SPATS2L: variants seen among roughly 807,000 people sequenced by gnomAD.
SPATS2L encodes SPATS2-like protein.
Under a neutral mutation model 59.6 loss-of-function variants are expected in SPATS2L, and 30 were observed. The ratio of observed to expected loss-of-function variants is 0.50; its 90% CI spans 0.38 to 0.68. SPATS2L has a LOEUF of 0.68. Among genes scored for constraint, SPATS2L ranks in the 30% least tolerant of loss-of-function variants. The pLI is 0.00. For synonymous variants in SPATS2L, 252 were observed against 263.5 expected, an observed-to-expected ratio of 0.96 and a Z score of 0.42; for missense variants, 615 against 700.0, an observed-to-expected ratio of 0.88 and a Z score of 1.37.
At chr2:200,318,267 C>T (rs1188821412) in intron 1 of SPATS2L, among the ~76,000 whole-genome samples, 1 of 152,092 alleles carries the variant, frequency 6.6e-6, no homozygotes, top group Non-Finnish European at 1.5e-5. Flanking sequence ...TTTCCTTTCT[C>T]GTTTATTTCT....
At chr2:200,402,926 C>A (rs80283256) in intron 3 of SPATS2L, among the ~76,000 whole-genome samples, 2,641 of 152,178 alleles carry the variant, frequency 0.017, 31 homozygotes, top group Non-Finnish European at 0.03. Context: ...TATCATGGGG[C>A]AAAATGCAAG....
intron 5 of SPATS2L, among the ~76,000 whole-genome samples, chr2:200,418,028 C>T (rs1030325311): frequency 5.9e-5 from 9 of 152,106 alleles, no homozygotes; most frequent in African/African-American, 1.2e-4. Context: ...TTGATATTCT[C>T]ATGTATTCAC....
At chr2:200,360,828 G>A (rs1230637935) in intron 2 of SPATS2L, among the ~76,000 whole-genome samples, 2 of 152,144 alleles carry the variant, frequency 1.3e-5, no homozygotes, top group African/African-American at 4.8e-5. Context: ...CCATTGAGGG[G>A]ATGAGTAGAA....
chr2:200,369,154 TTTTA>T (rs2081350865), intron 2 of SPATS2L, among the ~76,000 whole-genome samples: 2 of 151,754 alleles, frequency 1.3e-5, no homozygotes, highest in Admixed American at 6.6e-5. Context: ...CATTCATTTA[TTTTA>T]TTTATTTATT....
chr2:200,368,904 A>G (rs295133), intron 2 of SPATS2L, among the ~76,000 whole-genome samples: 149,421 of 152,234 alleles, frequency 0.98, 73,382 homozygotes, highest in Middle Eastern at 1. Flanking sequence ...TATAAAATAT[A>G]TGTGTATATG....
chr2:200,459,237 G>A (rs1288197667), intron 8 of SPATS2L, among the ~76,000 whole-genome samples: 1 of 152,214 alleles, frequency 6.6e-6, no homozygotes, highest in Non-Finnish European at 1.5e-5. Flanking sequence ...TCGGGAGAAT[G>A]AAAAAGGCAG....
chr2:200,471,954 G>T (rs1244833902), intron 11 of SPATS2L, among the ~76,000 whole-genome samples: 6 of 152,266 alleles, frequency 3.9e-5, no homozygotes, highest in Non-Finnish European at 5.9e-5. Flanking sequence ...TGAGAGGGAA[G>T]TCAGGGCTTT....
intron 2 of SPATS2L, chr2:200,378,256 A>C: frequency 1.0e-6 from 1 of 1,002,544 alleles, no homozygotes; most frequent in South Asian, 4.7e-5. Flanking sequence ...GTCACAGTAA[A>C]AGCAAGTTGA....
At chr2:200,317,731 A>G (rs2079426464) in intron 1 of SPATS2L, among the ~76,000 whole-genome samples, 1 of 152,238 alleles carries the variant, frequency 6.6e-6, no homozygotes, top group South Asian at 2.1e-4. Flanking sequence ...GGATAGCATA[A>G]CAATTAACAA....
intron 3 of SPATS2L, chr2:200,390,188 G>A (rs1436661597): frequency 6.6e-6 from 1 of 152,226 alleles, no homozygotes; most frequent in Non-Finnish European, 1.5e-5. Flanking sequence ...CAAAAATAGA[G>A]TGAAGGATGA....
At chr2:200,353,980 T>A (rs1376180539) in intron 2 of SPATS2L, among the ~76,000 whole-genome samples, 4 of 152,202 alleles carry the variant, frequency 2.6e-5, no homozygotes, top group Non-Finnish European at 5.9e-5. Flanking sequence ...CAGTGAGGGC[T>A]TAATGAAGTT....
intron 1 of SPATS2L, among the ~76,000 whole-genome samples, chr2:200,311,960 C>T (rs2079205997): frequency 6.6e-6 from 1 of 152,042 alleles, no homozygotes; most frequent in African/African-American, 2.4e-5. Context: ...AATTCCAGGG[C>T]CAATTTGTTG....
At chr2:200,430,016 G>A (rs2083813834) in intron 6 of SPATS2L, among the ~76,000 whole-genome samples, 1 of 152,048 alleles carries the variant, frequency 6.6e-6, no homozygotes, top group Admixed American at 6.6e-5. Flanking sequence ...GATATCCCCA[G>A]GTCAAATATG....
In SPATS2L at chr2:200,366,163, C is replaced by T. The variant is rs192328439; in HGVS notation, c.-22-23060C>T. 1.7e-3 allele frequency among the ~76,000 whole-genome samples: 264 copies of T among 152,266 alleles called. 2 individuals are homozygous for T. Among genetic ancestry groups the T allele is most frequent in the Non-Finnish European group, 4.0e-4 (27 of 68,014 alleles). ...TGCAACTCATTAGCTGTCCCAGCAC[C>T]ATAAATCAACAATCATATCTTGCAA... On this transcript the variant is annotated intron_variant, in intron 2 of 12. Coordinates refer to ENST00000409140, the MANE Select transcript of SPATS2L (RefSeq NM_001100423.2).
chr2:200,311,451 G>A (rs938652893), intron 1 of SPATS2L, among the ~76,000 whole-genome samples: 1 of 152,014 alleles, frequency 6.6e-6, no homozygotes, highest in Non-Finnish European at 1.5e-5. Flanking sequence ...CCAGTACTGA[G>A]CAAAAAAAGC....
rs181126406 is a variant in SPATS2L at position 200,392,954 on chromosome 2, G to A, written c.39+3671G>A. 6.5e-4 allele frequency: 210 copies of A among 322,604 alleles called. 1 individual carries two copies. Among genetic ancestry groups the A allele is most frequent in the African/African-American group, 4.1e-3 (187 of 45,954 alleles). The allele number at this position is 322,604 out of a possible 1,614,324, so 20.0% of individuals were successfully genotyped here. On this transcript the variant is annotated intron_variant, in intron 3 of 12. Transcript: ENST00000409140. The stretch of plus-strand genomic sequence containing the variant: ...ATTGTGAGAGCATAGTAGGAGAAGC[G>A]GAGTTTGTTTTTTCCTATATCTTTA...
At chr2:200,420,878 C>A (rs571914781) in intron 6 of SPATS2L, among the ~76,000 whole-genome samples, 1 of 152,036 alleles carries the variant, frequency 6.6e-6, no homozygotes, top group African/African-American at 2.4e-5. Context: ...ATCCTGCCCC[C>A]CAACCCCACC....
chr2:200,477,635 G>T lies in SPATS2L; in HGVS notation c.1282-1G>T. On this transcript the variant is annotated splice_acceptor_variant, in intron 12 of 12. Coordinates refer to ENST00000409140, the MANE Select transcript of SPATS2L (RefSeq NM_001100423.2). LOFTEE classifies it high-confidence loss of function. Reference sequence around the variant, plus strand: ...TACTTATCTCTTTTCTTTTTTGGTAGAATGGATCTTCTAACCAAAGACGGA... The same window carrying T: ...TACTTATCTCTTTTCTTTTTTGGTATAATGGATCTTCTAACCAAAGACGGA... 1 of 1,527,006 alleles carries T rather than the reference G, an allele frequency of 6.5e-7. No individual in the cohort carries two copies. The highest frequency in any genetic ancestry group is 1.2e-5 in the South Asian group (1 of 80,870). 94.6% of individuals were successfully genotyped at this position (1,527,006 alleles called of 1,614,324 possible).
intron 2 of SPATS2L, among the ~76,000 whole-genome samples, chr2:200,345,785 C>G (rs2080492190): frequency 6.6e-6 from 1 of 152,102 alleles, no homozygotes; most frequent in Admixed American, 6.6e-5. Context: ...TTCAAAATAC[C>G]TAGTTTTTGT....
Sources: allele counts gnomAD v4.1 joint callset (sites outside exome capture counted in the v4.1 genomes callset), GRCh38; gene constraint gnomAD v4.1.1; transcripts MANE v1.5; gene names NCBI Gene and HGNC (gene_info 2026-07-23, HGNC 2026-07-21).